RNF145: variants seen among roughly 807,000 people sequenced by gnomAD.
The protein encoded by RNF145 is ring finger protein 145.
A neutral mutation model predicts 57.3 loss-of-function variants in RNF145; 12 were observed. The observed-to-expected ratio is 0.21, with a 90% CI of 0.13 to 0.34. The LOEUF is 0.34. RNF145 is among the 10% of genes least tolerant of loss of function. The probability of loss-of-function intolerance (pLI) is 1.00; values close to 1 mark genes in which losing one functional copy is unlikely to be tolerated. For missense variants in RNF145, 429 were observed against 799.0 expected (o/e 0.54, Z 5.58); for synonymous variants, 262 against 288.3 (o/e 0.91, Z 0.92).
At chr5:159,192,308 G>A (rs1181241880) in intron 3 of RNF145, among the ~76,000 whole-genome samples, 2 of 152,110 alleles carry the variant, frequency 1.3e-5, no homozygotes, top group African/African-American at 2.4e-5. Context: ...AGGGAGCATA[G>A]CACTGTAGAT....
chr5:159,189,362 T>A (rs1434430420), intron 3 of RNF145, among the ~76,000 whole-genome samples: 1 of 152,242 alleles, frequency 6.6e-6, no homozygotes, highest in African/African-American at 2.4e-5. Flanking sequence ...GATGTTTAAC[T>A]TCATTAGCCA....
At position 159,203,621 on chromosome 5, in the gene RNF145, G is replaced by GTTTTTTTTTTTTTTTTTTTTT; in HGVS notation, c.-5_-4insAAAAAAAAAAAAAAAAAAAAA. 2.4e-6 allele frequency: 3 copies of GTTTTTTTTTTTTTTTTTTTTT among 1,270,000 alleles called. No homozygotes were observed. Among genetic ancestry groups the GTTTTTTTTTTTTTTTTTTTTT allele is most frequent in the Non-Finnish European group, 1.1e-6 (1 of 933,646 alleles). 78.7% of individuals were successfully genotyped at this position (1,270,000 alleles called of 1,614,324 possible). On this transcript the variant is annotated 5_prime_UTR_variant, in exon 2 of 11. Transcript: ENST00000424310. ...CCAGTTTCTCCTTTGCAGCCATGTT[G>GTTTTTTTTTTTTTTTTTTTTT]TTTTTTTTTTTCTTTTTTTTTTTCT... is the stretch of plus-strand genomic sequence containing the variant.
intron 3 of RNF145, 114 bp from the exon 4 acceptor site, chr5:159,182,165 A>C: frequency 1.8e-6 from 1 of 553,592 alleles, no homozygotes; most frequent in South Asian, 3.4e-5. Context: ...CTAAGGAAAA[A>C]TTTAGATATG....
At position 159,206,356 on chromosome 5, in the gene RNF145, G is replaced by A. The variant is rs1349223270; in HGVS notation, c.-39-2700C>T. On this transcript the variant is annotated intron_variant, in intron 1 of 10. Transcript: ENST00000424310. ...ACTGACGAAACAAATTTAATACATG[G>A]AAAATCAAAGAGAAAAAAATTTCAA... Among the ~76,000 whole-genome samples the A allele has an allele frequency of 3.3e-5, 5 of 152,100 alleles. No individual in the cohort carries two copies. The South Asian group carries it at 1.0e-3, about 31-fold the overall frequency.
At chr5:159,197,250 C>T (rs1239231363) in intron 2 of RNF145, among the ~76,000 whole-genome samples, 1 of 152,086 alleles carries the variant, frequency 6.6e-6, no homozygotes, top group African/African-American at 2.4e-5. Context: ...AGCATGAAAA[C>T]CATAAAAGTG....
At chr5:159,198,280 A>T (rs532246511) in intron 2 of RNF145, among the ~76,000 whole-genome samples, 1 of 150,234 alleles carries the variant, frequency 6.7e-6, no homozygotes, top group Non-Finnish European at 1.5e-5. Context: ...AATAAATAAA[A>T]GAAATAATGA....
chr5:159,202,572 G>A (rs1458960043), intron 2 of RNF145, among the ~76,000 whole-genome samples: 1 of 152,072 alleles, frequency 6.6e-6, no homozygotes, highest in Non-Finnish European at 1.5e-5. Flanking sequence ...AACCCAGAAA[G>A]TGATAAAAAT....
At chr5:159,194,607 A>G in intron 3 of RNF145, 109 bp downstream of exon 3, 1 of 707,630 alleles carries the variant, frequency 1.4e-6, no homozygotes, top group Non-Finnish European at 2.5e-6. Flanking sequence ...CCAGTTTTGG[A>G]CCTACCAAAG....
chr5:159,188,132 C>G (rs1447596125), intron 3 of RNF145, among the ~76,000 whole-genome samples: 1 of 152,140 alleles, frequency 6.6e-6, no homozygotes, highest in East Asian at 1.9e-4. Context: ...CCTGTTATCC[C>G]AGCACTTTGG....
At chr5:159,197,434 G>A (rs1172071924) in intron 2 of RNF145, among the ~76,000 whole-genome samples, 1 of 152,122 alleles carries the variant, frequency 6.6e-6, no homozygotes, top group East Asian at 1.9e-4. Context: ...TATCTATTTA[G>A]GTGAGGTAAG....
intron 3 of RNF145, among the ~76,000 whole-genome samples, chr5:159,188,210 A>G (rs148313040): frequency 0.018 from 2,652 of 149,696 alleles, 44 homozygotes; most frequent in Middle Eastern, 0.058. Context: ...GTGAAACCCC[A>G]TCTCTACTAA....
chr5:159,186,158 C>A (rs558005803), intron 3 of RNF145, among the ~76,000 whole-genome samples: 6 of 152,034 alleles, frequency 3.9e-5, no homozygotes, highest in African/African-American at 1.4e-4. Context: ...CTGGTAGGGG[C>A]AGGGGTTGCA....
chr5:159,182,789 T>C (rs1408322760), intron 3 of RNF145, among the ~76,000 whole-genome samples: 2 of 152,132 alleles, frequency 1.3e-5, no homozygotes, highest in Non-Finnish European at 2.9e-5. Context: ...GTAAGTTACA[T>C]GGGAGTACTG....
intron 4 of RNF145, among the ~76,000 whole-genome samples, chr5:159,179,688 A>G (rs988880469): frequency 6.6e-6 from 1 of 152,084 alleles, no homozygotes; most frequent in South Asian, 2.1e-4. Context: ...AACTTGGCAA[A>G]TATCTTCATT....
intron 10 of RNF145, among the ~76,000 whole-genome samples, chr5:159,160,439 T>A (rs536868581): frequency 2.6e-5 from 4 of 152,244 alleles, no homozygotes; most frequent in African/African-American, 7.2e-5. Context: ...ACAAAAGCAA[T>A]CCTGAAGTAA....
At chr5:159,161,930 T>C (rs1371997581) in intron 9 of RNF145, among the ~76,000 whole-genome samples, 1 of 152,204 alleles carries the variant, frequency 6.6e-6, no homozygotes, top group Non-Finnish European at 1.5e-5. Context: ...TTTTCCCTTA[T>C]TCCTTAGGTC....
chr5:159,165,401 G>GGATTTACTTTTTTACCTCGTGCT (rs1383049563), intron 8 of RNF145, among the ~76,000 whole-genome samples: 5 of 11,572 alleles, frequency 4.3e-4, no homozygotes, highest in East Asian at 9.7e-4. Context: ...ATAATATCCT[G>GGATTTACTTTTTTACCTCGTGCT]GCCGGGCGCG....
At chr5:159,196,034 C>T (rs1414703216) in intron 2 of RNF145, among the ~76,000 whole-genome samples, 1 of 152,142 alleles carries the variant, frequency 6.6e-6, no homozygotes, top group African/African-American at 2.4e-5. Flanking sequence ...TGTTACCCTT[C>T]CATTCCAACC....
intron 3 of RNF145, among the ~76,000 whole-genome samples, chr5:159,191,967 C>T (rs1385310917): frequency 1.3e-5 from 2 of 151,858 alleles, no homozygotes; most frequent in African/African-American, 4.8e-5. Flanking sequence ...TCTAGAAATG[C>T]CTGGATTGGT....
Sources: gnomAD v4.1 joint callset for allele counts (sites outside exome capture counted in the v4.1 genomes callset) on GRCh38, gnomAD v4.1.1 for gene constraint, MANE v1.5 for transcripts, NCBI Gene and HGNC (gene_info 2026-07-23, HGNC 2026-07-21) for gene names.